RASEF: variants seen among roughly 807,000 people sequenced by gnomAD.
The protein encoded by RASEF is RAS and EF-hand domain containing.
Under a neutral mutation model 90.1 loss-of-function variants are expected in RASEF, and 68 were observed. The observed-to-expected ratio is 0.75, with a 90% CI of 0.62 to 0.92. The LOEUF (loss-of-function observed/expected upper bound fraction) is 0.92, where lower values mean the gene tolerates loss of function less well. Ranked by LOEUF, RASEF falls within the 40% of genes least tolerant of loss-of-function variation. RASEF has a pLI of 0.00. For synonymous variants in RASEF, 331 were observed against 345.2 expected (o/e 0.96, Z 0.46); for missense variants, 949 against 937.2 (o/e 1.01, Z -0.16).
intron 15 of RASEF, among the ~76,000 whole-genome samples, chr9:82,991,375 A>G (rs923627674): frequency 6.6e-6 from 1 of 152,166 alleles, no homozygotes; most frequent in Non-Finnish European, 1.5e-5. Context: ...TGCGATCCTC[A>G]TGCACAGCAA....
intron 3 of RASEF, among the ~76,000 whole-genome samples, chr9:83,017,137 C>T (rs1829356016): frequency 6.6e-6 from 1 of 151,930 alleles, no homozygotes; most frequent in Non-Finnish European, 1.5e-5. Context: ...GACTGCAAGT[C>T]CCTTCATTAG....
At chr9:83,185,764 T>C in the RASEF span, among the ~76,000 whole-genome samples, 14 of 152,136 alleles carry the variant, frequency 9.2e-5, no homozygotes, top group African/African-American at 3.4e-4. Flanking sequence ...CTGAACTCAA[T>C]CCAGGGACAT....
Position 83,000,440 on chromosome 9 carries a change from G to A in RASEF, c.1568C>T (p.Ser523Leu), listed in dbSNP as rs775469651. The change falls in exon 11 of 17, where the codon TCG becomes TTG. Residue 523 changes from serine to leucine, a missense_variant. Physicochemically the swap from Ser to Leu is moderately radical, Grantham distance 145. Around this residue, in one of 3 missense-constraint regions of RASEF, gnomAD observed 288 missense variants for 328.4 expected, o/e 0.88. Transcript: ENST00000376447. ...SSSRKPISAL[S>L]PQTDLVDDNA... ...GTCTCGGAGACCACCTACCTGGGGC[G>A]AGAGTGCTGAGATGGGCTTTCTTGA... is the stretch of plus-strand genomic sequence containing the variant. The A allele has an allele frequency of 5.6e-6, 9 of 1,613,730 alleles. No individual in the cohort carries two copies. Among genetic ancestry groups the A allele is most frequent in the South Asian group, 1.1e-5 (1 of 91,060 alleles).
chr9:83,031,016 G>T (rs189934225), intron 1 of RASEF, among the ~76,000 whole-genome samples: 1 of 152,100 alleles, frequency 6.6e-6, no homozygotes, highest in African/African-American at 2.4e-5. Context: ...AATGTGCTTG[G>T]ATCCCTGAAT....
chr9:82,990,345 G>T (rs2118385325), intron 16 of RASEF, 46 bp downstream of exon 16: 1 of 1,320,346 alleles, frequency 7.6e-7, no homozygotes, highest in Non-Finnish European at 1.1e-6. Context: ...TGTGTCATAT[G>T]CAACAAGCGA....
the RASEF span, among the ~76,000 whole-genome samples, chr9:83,113,294 T>C: frequency 1.4e-4 from 22 of 152,258 alleles, no homozygotes; most frequent in African/African-American, 5.3e-4. Context: ...TAATTTCTTA[T>C]GCCTGTCTTT....
At chr9:83,090,987 T>C in the RASEF span, among the ~76,000 whole-genome samples, 1 of 152,298 alleles carries the variant, frequency 6.6e-6, no homozygotes, top group South Asian at 2.1e-4. Context: ...TAGCTACTAA[T>C]TGGACAGAAT....
rs142322436 is a variant in RASEF, at chr9:83,001,000, C to T, written c.1333G>A (p.Asp445Asn). ...ACTTCTGAGTCATACTCATTGGGAT[C>T]TCTCAAGGTAGACAAGCCGCTGTCG... ...CFDSGLSTLRDPNEYDSEVEY... is the reference protein window; with the variant it reads ...CFDSGLSTLRNPNEYDSEVEY... Residue 445 changes from aspartate (D) to asparagine (N), a missense_variant, in exon 10 of 17, where the codon GAT becomes AAT. This residue lies in a region of RASEF where 656 missense variants were observed against 592.2 expected (regional missense o/e 1.11). Coordinates refer to ENST00000376447, the MANE Select transcript of RASEF (RefSeq NM_152573.4). 22 of 1,614,022 alleles carry T rather than the reference C, an allele frequency of 1.4e-5. No homozygotes were observed. Among genetic ancestry groups the T allele is most frequent in the Non-Finnish European group, 1.9e-5 (22 of 1,180,030 alleles).
At chr9:83,101,503 A>C in the RASEF span, among the ~76,000 whole-genome samples, 2 of 152,222 alleles carry the variant, frequency 1.3e-5, no homozygotes, top group Non-Finnish European at 2.9e-5. Context: ...TACTTGAACA[A>C]TATTTTTATT....
At chr9:83,058,311 T>G (rs1164331796) in intron 1 of RASEF, among the ~76,000 whole-genome samples, 1 of 148,072 alleles carries the variant, frequency 6.8e-6, no homozygotes, top group African/African-American at 2.5e-5. Flanking sequence ...GCCTCCCGAG[T>G]AGCTGGGACT....
chr9:83,090,680 G>A, the RASEF span, among the ~76,000 whole-genome samples: 1 of 152,092 alleles, frequency 6.6e-6, no homozygotes, highest in Non-Finnish European at 1.5e-5. Flanking sequence ...GATTACAGGT[G>A]TGTCACTGCA....
chr9:83,103,906 G>A, the RASEF span, among the ~76,000 whole-genome samples: 1 of 152,168 alleles, frequency 6.6e-6, no homozygotes, highest in African/African-American at 2.4e-5. Flanking sequence ...AACATGTTAT[G>A]ACTGCTTCAT....
At chr9:83,025,455 T>A (rs142204834) in intron 2 of RASEF, among the ~76,000 whole-genome samples, 1 of 152,204 alleles carries the variant, frequency 6.6e-6, no homozygotes, top group Admixed American at 6.5e-5. Context: ...AGGCTTCAAA[T>A]AGTGTTCCAT....
chr9:83,011,046 T>C (rs1479890435), intron 5 of RASEF, among the ~76,000 whole-genome samples: 4 of 152,178 alleles, frequency 2.6e-5, no homozygotes, highest in African/African-American at 4.8e-5. Flanking sequence ...TGAGGGGGAA[T>C]GTAGACATTC....
chr9:83,179,879 A>G, the RASEF span, among the ~76,000 whole-genome samples: 1 of 152,204 alleles, frequency 6.6e-6, no homozygotes, highest in Non-Finnish European at 1.5e-5. Flanking sequence ...ATGACAGTAA[A>G]AGAGGGCTTA....
At chr9:82,992,358 A>AT (rs1828830963) in intron 15 of RASEF, among the ~76,000 whole-genome samples, 1 of 152,184 alleles carries the variant, frequency 6.6e-6, no homozygotes, top group Admixed American at 6.5e-5. Context: ...TCTGAATAGG[A>AT]ATGAGTTTAT....
At chr9:83,215,294 C>T in the RASEF span, among the ~76,000 whole-genome samples, 1 of 152,126 alleles carries the variant, frequency 6.6e-6, no homozygotes, top group Non-Finnish European at 1.5e-5. Context: ...GGCAAGAGCT[C>T]AGGGTATTAA....
chr9:83,063,277 G>C (rs192340016), upstream of RASEF: 147 of 189,656 alleles, frequency 7.8e-4, 1 homozygote, highest in East Asian at 0.012. Flanking sequence ...CCGCGCAGGT[G>C]GGGGAGACCT....
the RASEF span, among the ~76,000 whole-genome samples, chr9:83,126,634 A>C: frequency 1.3e-5 from 2 of 152,188 alleles, no homozygotes; most frequent in Non-Finnish European, 2.9e-5. Flanking sequence ...CATTATCTAC[A>C]GCTTTCCACT....
Sources: allele counts gnomAD v4.1 joint callset (sites outside exome capture counted in the v4.1 genomes callset), GRCh38; gene constraint gnomAD v4.1.1; regional missense constraint gnomAD v4.1.1; transcripts MANE v1.5; gene names NCBI Gene and HGNC (gene_info 2026-07-23, HGNC 2026-07-21).